The following USP54 variants were observed in gnomAD, a reference collection of about 807,000 sequenced individuals.
USP54 encodes the protein ubiquitin carboxyl-terminal hydrolase 54.
A neutral mutation model predicts 170.5 loss-of-function variants in USP54; 87 were observed. The ratio of observed to expected loss-of-function variants is 0.51; its 90% CI spans 0.43 to 0.61. The LOEUF (loss-of-function observed/expected upper bound fraction) is 0.61, where lower values mean the gene tolerates loss of function less well. Ranked by LOEUF, USP54 falls within the 20% of genes least tolerant of loss-of-function variation. The probability of loss-of-function intolerance (pLI) is 0.00; values close to 1 mark genes in which losing one functional copy is unlikely to be tolerated. For missense variants in USP54, 1,786 were observed against 2,047.8 expected, an observed-to-expected ratio of 0.87 and a Z score of 2.47; for synonymous variants, 655 against 742.8, an observed-to-expected ratio of 0.88 and a Z score of 1.92.
intron 4 of USP54, among the ~76,000 whole-genome samples, chr10:73,555,190 T>C (rs111441394): frequency 6.6e-6 from 1 of 152,252 alleles, no homozygotes; most frequent in African/African-American, 2.4e-5. Context: ...TGTAATTTAA[T>C]ACGAACTCTT....
intron 16 of USP54, among the ~76,000 whole-genome samples, chr10:73,524,505 G>A (rs1017962183): frequency 2.0e-5 from 3 of 151,934 alleles, no homozygotes; most frequent in East Asian, 1.9e-4. Context: ...ACTTTAACCC[G>A]GGAGGTGGAG....
chr10:73,539,724 TG>T, intron 9 of USP54, 131 bp from the exon 10 acceptor site: 3 of 1,072,410 alleles, frequency 2.8e-6, no homozygotes, highest in Non-Finnish European at 3.8e-6. Context: ...TTAAGATTTT[TG>T]TTAGTTTAGA....
intron 23 of USP54, 80 bp from the exon 24 acceptor site, chr10:73,499,268 T>C: frequency 7.1e-7 from 1 of 1,399,892 alleles, no homozygotes; most frequent in East Asian, 2.3e-5. Flanking sequence ...CCTAGCTGTG[T>C]AGCCCAATTC....
At chr10:73,607,439 T>G (rs1001425839) in intron 1 of USP54, among the ~76,000 whole-genome samples, 5 of 152,236 alleles carry the variant, frequency 3.3e-5, no homozygotes, top group East Asian at 1.9e-4. Flanking sequence ...ATTTGTCATA[T>G]TCTATACAAA....
intron 1 of USP54, among the ~76,000 whole-genome samples, chr10:73,607,761 G>A (rs145925251): frequency 1.3e-4 from 19 of 151,486 alleles, no homozygotes; most frequent in African/African-American, 4.6e-4. Context: ...AACCCGGGAA[G>A]CGGAGGTTGC....
intron 4 of USP54, among the ~76,000 whole-genome samples, chr10:73,568,529 T>C (rs187914445): frequency 1.1e-4 from 17 of 152,252 alleles, no homozygotes; most frequent in Admixed American, 1.3e-4. Flanking sequence ...AAACGTGAAG[T>C]GTGTTCAAAC....
At chr10:73,573,483 G>A (rs912610402) in intron 3 of USP54, among the ~76,000 whole-genome samples, 2 of 152,028 alleles carry the variant, frequency 1.3e-5, no homozygotes, top group Non-Finnish European at 1.5e-5. Context: ...TGAGAAAGAG[G>A]CTGGGCACAG....
chr10:73,601,393 A>G (rs2079153787), intron 1 of USP54, among the ~76,000 whole-genome samples: 2 of 152,170 alleles, frequency 1.3e-5, no homozygotes, highest in South Asian at 4.1e-4. Flanking sequence ...TGCTTTCCTC[A>G]ATACCACCAT....
At chr10:73,572,036 T>C (rs570661947) in intron 3 of USP54, among the ~76,000 whole-genome samples, 7 of 152,306 alleles carry the variant, frequency 4.6e-5, no homozygotes, top group South Asian at 4.1e-4. Flanking sequence ...AAATATGATA[T>C]TAACAGTGGT....
intron 21 of USP54, 133 bp from the exon 22 acceptor site, chr10:73,505,123 G>T: frequency 7.4e-7 from 1 of 1,357,918 alleles, no homozygotes; most frequent in Non-Finnish European, 1.0e-6. Flanking sequence ...TAGATGTATT[G>T]GTAAGATAGT....
chr10:73,604,888 A>G (rs935741518), intron 1 of USP54, among the ~76,000 whole-genome samples: 1 of 152,164 alleles, frequency 6.6e-6, no homozygotes, highest in Non-Finnish European at 1.5e-5. Flanking sequence ...CAAAGCTTCC[A>G]CAGTGTGGAA....
chr10:73,612,254 C>T (rs1450837558), intron 1 of USP54, among the ~76,000 whole-genome samples: 1 of 152,112 alleles, frequency 6.6e-6, no homozygotes, highest in East Asian at 1.9e-4. Context: ...ATTTTAAATG[C>T]AACCCCTCTA....
intron 4 of USP54, among the ~76,000 whole-genome samples, chr10:73,568,522 C>T (rs1192163084): frequency 2.0e-5 from 3 of 152,174 alleles, no homozygotes; most frequent in South Asian, 4.1e-4. Context: ...CCATCTAAAA[C>T]GTGAAGTGTG....
intron 1 of USP54, among the ~76,000 whole-genome samples, chr10:73,603,478 G>T (rs1294485110): frequency 2.0e-5 from 3 of 152,182 alleles, no homozygotes. Context: ...ACTTTGGGTG[G>T]CCAAGGCGGG....
chr10:73,558,658 C>T (rs2071892234), intron 4 of USP54, among the ~76,000 whole-genome samples: 7 of 152,070 alleles, frequency 4.6e-5, no homozygotes, highest in Admixed American at 4.6e-4. Context: ...TTGTCCTTAC[C>T]AGTGGTTCCT....
intron 1 of USP54, among the ~76,000 whole-genome samples, chr10:73,611,974 G>A (rs1345604082): frequency 4.0e-5 from 6 of 151,698 alleles, no homozygotes; most frequent in Non-Finnish European, 5.9e-5. Context: ...AGCCAGGCAC[G>A]GTGGTATGCC....
At chr10:73,581,057 T>C (rs143451105) in intron 1 of USP54, among the ~76,000 whole-genome samples, 3 of 152,338 alleles carry the variant, frequency 2.0e-5, no homozygotes, top group East Asian at 3.9e-4. Flanking sequence ...CACATCCCTG[T>C]TGTTAAGCAA....
At chr10:73,565,550 A>G (rs16930701) in intron 4 of USP54, among the ~76,000 whole-genome samples, 5,354 of 152,008 alleles carry the variant, frequency 0.035, 153 homozygotes, top group South Asian at 0.11. Flanking sequence ...TAGCCTACCT[A>G]CTCTGAGGTC....
Position 73,516,360 on chromosome 10 carries a change from T to A in USP54, c.4051+15A>T. 9 of 1,521,786 alleles carry A rather than the reference T, an allele frequency of 5.9e-6. No homozygotes were observed. The highest frequency in any genetic ancestry group is 7.2e-6 in the Non-Finnish European group (8 of 1,113,310). 94.3% of individuals were successfully genotyped at this position (1,521,786 alleles called of 1,614,324 possible). Reference sequence around the variant, plus strand: ...GATCCTCCCCCCTCCCCCCAACCCCTGGTTGCATTCTTACCTGTTTGGCTA... The same window carrying A: ...GATCCTCCCCCCTCCCCCCAACCCCAGGTTGCATTCTTACCTGTTTGGCTA... On this transcript the variant is annotated intron_variant, in intron 20 of 23. Coordinates refer to ENST00000687698, the MANE Select transcript of USP54 (RefSeq NM_001391956.1).
Sources: gnomAD v4.1 joint callset for allele counts (sites outside exome capture counted in the v4.1 genomes callset) on GRCh38, gnomAD v4.1.1 for gene constraint, MANE v1.5 for transcripts, NCBI Gene and HGNC (gene_info 2026-07-23, HGNC 2026-07-21) for gene names.